CLCN7: variants seen among roughly 807,000 people sequenced by gnomAD.
CLCN7 encodes the protein H(+)/Cl(-) exchange transporter 7.
A neutral mutation model predicts 102.1 loss-of-function variants in CLCN7; 60 were observed. The observed-to-expected ratio is 0.59, with a 90% CI of 0.48 to 0.73. The LOEUF (loss-of-function observed/expected upper bound fraction) is 0.73, where lower values mean the gene tolerates loss of function less well. Ranked by LOEUF, CLCN7 falls within the 30% of genes least tolerant of loss-of-function variation. The pLI is 0.00. For synonymous variants in CLCN7, 560 were observed against 490.5 expected (o/e 1.14, Z -1.87); for missense variants, 962 against 1,125.7 (o/e 0.85, Z 2.08).
intron 2 of CLCN7, 139 bp downstream of exon 2, chr16:1,465,128 G>A (rs2038987051): frequency 1.3e-6 from 1 of 757,266 alleles, no homozygotes; most frequent in Non-Finnish European, 2.3e-6. Flanking sequence ...CAGGGACCAT[G>A]TCCCCCCAAG....
chr16:1,448,332 C>T (rs1384514602), intron 21 of CLCN7, 23 bp downstream of exon 21: 1 of 1,612,362 alleles, frequency 6.2e-7, no homozygotes, highest in Non-Finnish European at 8.5e-7. Context: ...TAGGCAGGAC[C>T]CTGTCTATGG....
chr16:1,468,303 AGAGGGGT>A (rs972590242), intron 1 of CLCN7, among the ~76,000 whole-genome samples: 5 of 152,260 alleles, frequency 3.3e-5, no homozygotes, highest in Non-Finnish European at 5.9e-5. Context: ...GGCAGATCCG[AGAGGGGT>A]GAGGGGTGAG....
intron 1 of CLCN7, among the ~76,000 whole-genome samples, chr16:1,466,170 C>T (rs927733758): frequency 6.6e-6 from 1 of 152,262 alleles, no homozygotes; most frequent in South Asian, 2.1e-4. Context: ...ATCAGAGAGC[C>T]CGTGCGCCTG....
chr16:1,464,102 A>T (rs748065589), intron 2 of CLCN7, among the ~76,000 whole-genome samples: 1 of 152,192 alleles, frequency 6.6e-6, no homozygotes, highest in Non-Finnish European at 1.5e-5. Flanking sequence ...TTGAGCAACA[A>T]AAGACACCAC....
intron 1 of CLCN7, among the ~76,000 whole-genome samples, chr16:1,469,939 C>T (rs985630479): frequency 7.2e-5 from 11 of 152,222 alleles, no homozygotes; most frequent in Admixed American, 1.3e-4. Context: ...CACTGTGCCC[C>T]GTGAAATAAG....
At chr16:1,453,722 C>G in intron 14 of CLCN7, 112 bp downstream of exon 14, 1 of 1,020,992 alleles carries the variant, frequency 9.8e-7, no homozygotes, top group Non-Finnish European at 1.6e-6. Context: ...GCATACACAG[C>G]CTTTCTTTCG....
chr16:1,462,365 C>CTTT (rs59931924), intron 2 of CLCN7, among the ~76,000 whole-genome samples: 13 of 80,558 alleles, frequency 1.6e-4, no homozygotes, highest in Non-Finnish European at 1.8e-4. Flanking sequence ...CCTCATCTGT[C>CTTT]TTTTTTTTTT....
At position 1,447,731 on chromosome 16, in the gene CLCN7, C is replaced by A. The variant is rs556884613; in HGVS notation, c.2014-17G>T. 276 of 1,548,996 alleles carry A rather than the reference C, an allele frequency of 1.8e-4. No individual in the cohort carries two copies. In the African/African-American group the frequency reaches 2.8e-3, roughly 16 times the overall value. ...CCGGGCAGGCTGCAAGACAGGCCCG[C>A]GGTCAGGGCCACGGGCCCGAGGGTG... On this transcript the variant is annotated splice_polypyrimidine_tract_variant and intron_variant, in intron 21 of 24. Transcript: ENST00000382745.
rs757016933 is a variant in CLCN7 at position 1,457,203 on chromosome 16, G to T, written c.822+51C>A. 6.6e-7 allele frequency: 1 copy of T among 1,512,448 alleles called. No homozygotes were observed. The highest frequency in any genetic ancestry group is 1.1e-5 in the South Asian group (1 of 89,054). 93.7% of individuals were successfully genotyped at this position (1,512,448 alleles called of 1,614,324 possible). A position where few individuals can be genotyped will look rare whatever the true frequency, so the allele number is the denominator to read the frequency against. Reference sequence around the variant, plus strand: ...AAGCCCATCTCCCTGAGTGGTGCCCGTGCCCGTGCCCATGGCATCTGGAGC... The same window carrying T: ...AAGCCCATCTCCCTGAGTGGTGCCCTTGCCCGTGCCCATGGCATCTGGAGC... On this transcript the variant is annotated intron_variant, in intron 9 of 24. Coordinates refer to ENST00000382745, the MANE Select transcript of CLCN7 (RefSeq NM_001287.6). This position sits in a 1 kb window ranked among gnomAD's most constrained non-coding sequence, Gnocchi z 5.4.
chr16:1,452,200 T>C (rs1428693304), intron 15 of CLCN7: 1 of 257,728 alleles, frequency 3.9e-6, no homozygotes, highest in African/African-American at 2.2e-5. Flanking sequence ...TCTCTAACGG[T>C]TCACACCTGA....
chr16:1,447,804 C>T (rs922963491), intron 21 of CLCN7, 90 bp from the exon 22 acceptor site: 30 of 1,413,502 alleles, frequency 2.1e-5, no homozygotes, highest in East Asian at 1.2e-4. Flanking sequence ...GACCCTGTTC[C>T]GGCCAGATTT....
intron 5 of CLCN7, 121 bp downstream of exon 5, chr16:1,460,695 G>A (rs2038921106): frequency 6.8e-7 from 1 of 1,480,992 alleles, no homozygotes. Context: ...CAGGGACACA[G>A]CCAGCCTGGC....
chr16:1,459,292 G>A lies in CLCN7; in HGVS notation c.595-105C>T, dbSNP rs543671660. The A allele has an allele frequency of 1.5e-4, 141 of 951,026 alleles. 2 individuals carry two copies. In the Middle Eastern group the frequency reaches 2.9e-3, roughly 19 times the overall value. 58.9% of individuals were successfully genotyped at this position (951,026 alleles called of 1,614,324 possible). ...AGCTGAGGAGAGCAGCAGACACGTC[G>A]GGGCCTCAGGGAAGGGGAGCTCAGC... On this transcript the variant is annotated intron_variant, in intron 6 of 24. Transcript: ENST00000382745.
intron 6 of CLCN7, 129 bp downstream of exon 6, chr16:1,460,289 T>G: frequency 2.7e-6 from 2 of 729,650 alleles, no homozygotes; most frequent in Non-Finnish European, 4.9e-6. Flanking sequence ...GACCACGTGA[T>G]TCTAAAAGTG....
chr16:1,461,594 G>C lies in CLCN7; in HGVS notation c.285+9C>G, dbSNP rs1490980443. 1.5e-5 allele frequency: 25 copies of C among 1,613,846 alleles called. No individual in the cohort carries two copies. Among genetic ancestry groups the C allele is most frequent in the Non-Finnish European group, 2.1e-5 (25 of 1,179,766 alleles). On this transcript the variant is annotated intron_variant, in intron 3 of 24. Coordinates refer to ENST00000382745, the MANE Select transcript of CLCN7 (RefSeq NM_001287.6). ...GGTCTCAGGGTCAGGGGGACAGAAG[G>C]ACGCCCACCTCATACTTGAGGGACA...
In CLCN7 at chr16:1,448,584, C is replaced by T. The variant is rs150643398; in HGVS notation, c.1883+97G>A. 1.4e-4 allele frequency: 223 copies of T among 1,601,202 alleles called. 1 individual carries two copies. In the African/African-American group the frequency reaches 2.3e-3, roughly 17 times the overall value. The stretch of plus-strand genomic sequence containing the variant: ...GTGTGAAGCCGCTGGACAGGAAACG[C>T]GGGGCTGCCTGGAGCCCGCAAGCCG... On this transcript the variant is annotated intron_variant, in intron 20 of 24. Transcript: ENST00000382745.
rs1039604983 is a variant in CLCN7, at chr16:1,446,189, G to A, written c.*442C>T. On this transcript the variant is annotated 3_prime_UTR_variant, in exon 25 of 25. Coordinates refer to ENST00000382745, the MANE Select transcript of CLCN7 (RefSeq NM_001287.6). ...TGAGGCCAAGCAGCTCCCAAGTCTC[G>A]AAGACTCCACTGGTGTGGAGGCAGA... 12 of 609,660 alleles carry A rather than the reference G, an allele frequency of 2.0e-5. No homozygotes were observed. The highest frequency in any genetic ancestry group is 2.9e-5 in the Non-Finnish European group (10 of 344,010). 37.8% of individuals were successfully genotyped at this position (609,660 alleles called of 1,614,324 possible).
intron 1 of CLCN7, among the ~76,000 whole-genome samples, chr16:1,471,450 A>G (rs1382586577): frequency 6.6e-6 from 1 of 152,148 alleles, no homozygotes; most frequent in Non-Finnish European, 1.5e-5. Flanking sequence ...CTGTGGCCAC[A>G]CTGGGGTGCG....
rs945073586 is a variant in CLCN7, at chr16:1,446,533, G to A, written c.*98C>T. 45 of 1,149,704 alleles carry A rather than the reference G, an allele frequency of 3.9e-5. No individual in the cohort carries two copies. The highest frequency in any genetic ancestry group is 5.2e-5 in the Non-Finnish European group (41 of 785,290). The allele number at this position is 1,149,704 out of a possible 1,614,324, so 71.2% of individuals were successfully genotyped here. A position where few individuals can be genotyped will look rare whatever the true frequency, so the allele number is the denominator to read the frequency against. On this transcript the variant is annotated 3_prime_UTR_variant, in exon 25 of 25. Coordinates refer to ENST00000382745, the MANE Select transcript of CLCN7 (RefSeq NM_001287.6). ...CAGGGTGCTCGCCATTGCCACTGCT[G>A]GGGAGCATGGTTTGGGCCGAGAAAC...
Sources: allele counts gnomAD v4.1 joint callset (sites outside exome capture counted in the v4.1 genomes callset), GRCh38; gene constraint gnomAD v4.1.1; non-coding constraint Gnocchi (gnomAD v3.1); transcripts MANE v1.5; gene names NCBI Gene and HGNC (gene_info 2026-07-23, HGNC 2026-07-21).